The following DNAH8 variants were observed in gnomAD, a reference collection of about 807,000 sequenced individuals.
DNAH8 encodes dynein axonemal heavy chain 8, also known as axonemal beta dynein heavy chain 8.
DNAH8 carries 382 observed loss-of-function variants against 562.1 expected under a neutral mutation model. The ratio of observed to expected loss-of-function variants is 0.68; its 90% CI spans 0.63 to 0.74. The LOEUF is 0.74. Among genes scored for constraint, DNAH8 ranks in the 30% least tolerant of loss-of-function variants. The pLI is 0.00. For synonymous variants in DNAH8, 1,881 were observed against 1,919.4 expected (o/e 0.98, Z 0.52); for missense variants, 5,203 against 5,620.4 (o/e 0.93, Z 2.37).
chr6:38,947,644 C>A (rs1761543752), intron 80 of DNAH8, among the ~76,000 whole-genome samples: 1 of 152,160 alleles, frequency 6.6e-6, no homozygotes, highest in African/African-American at 2.4e-5. Flanking sequence ...TCGCAACACC[C>A]AGGCCCTGGC....
chr6:38,863,268 A>G (rs1408742552), intron 44 of DNAH8, among the ~76,000 whole-genome samples: 1 of 151,936 alleles, frequency 6.6e-6, no homozygotes, highest in Non-Finnish European at 1.5e-5. Context: ...CATCTCTACT[A>G]AAAATACAAA....
chr6:38,956,605 C>T (rs1762260911), intron 82 of DNAH8, among the ~76,000 whole-genome samples: 1 of 152,190 alleles, frequency 6.6e-6, no homozygotes, highest in African/African-American at 2.4e-5. Context: ...CCATCTGGGC[C>T]ACTGGGACAG....
intron 9 of DNAH8, among the ~76,000 whole-genome samples, chr6:38,753,307 C>T (rs1159506966): frequency 1.3e-5 from 2 of 152,134 alleles, no homozygotes; most frequent in African/African-American, 4.8e-5. Context: ...TACTTGGCAG[C>T]TCAATGACTT....
intron 33 of DNAH8, among the ~76,000 whole-genome samples, chr6:38,839,332 T>C (rs1774574218): frequency 6.6e-6 from 1 of 150,962 alleles, no homozygotes; most frequent in Non-Finnish European, 1.5e-5. Flanking sequence ...TAGAGAATGG[T>C]GAGAATGGTG....
intron 38 of DNAH8, among the ~76,000 whole-genome samples, chr6:38,850,863 C>T (rs528750000): frequency 1.1e-4 from 16 of 152,168 alleles, no homozygotes; most frequent in African/African-American, 2.6e-4. Flanking sequence ...TCTCTTATGA[C>T]GACATTTGTC....
chr6:38,749,866 C>T (rs762626506), intron 8 of DNAH8, among the ~76,000 whole-genome samples: 2 of 152,184 alleles, frequency 1.3e-5, no homozygotes, highest in Non-Finnish European at 2.9e-5. Context: ...AAGTCTCACT[C>T]TGTTGTCCAG....
At chr6:38,892,308 T>C (rs1427665204) in intron 58 of DNAH8, among the ~76,000 whole-genome samples, 1 of 152,218 alleles carries the variant, frequency 6.6e-6, no homozygotes, top group Non-Finnish European at 1.5e-5. Context: ...TCCAGGCCGA[T>C]TGCTAACTAC....
intron 82 of DNAH8, among the ~76,000 whole-genome samples, chr6:38,962,981 G>A (rs1762710945): frequency 6.6e-6 from 1 of 152,136 alleles, no homozygotes; most frequent in South Asian, 2.1e-4. Context: ...GGGAGAAAAG[G>A]TTTGAGGGTG....
At chr6:38,816,538 A>G (rs964735132) in intron 26 of DNAH8, among the ~76,000 whole-genome samples, 2 of 152,154 alleles carry the variant, frequency 1.3e-5, no homozygotes, top group South Asian at 2.1e-4. Flanking sequence ...TAGTGCTGCA[A>G]TGAACATAGG....
At chr6:38,861,618 C>T (rs1049126518) in intron 43 of DNAH8, among the ~76,000 whole-genome samples, 2 of 152,210 alleles carry the variant, frequency 1.3e-5, no homozygotes, top group African/African-American at 4.8e-5. Flanking sequence ...AGTGCAGTGG[C>T]GCGATCTTGG....
chr6:38,923,845 C>A, intron 72 of DNAH8, 146 bp from the exon 73 acceptor site: 1 of 905,750 alleles, frequency 1.1e-6, no homozygotes, highest in Non-Finnish European at 1.7e-6. Flanking sequence ...CTCCACTTTG[C>A]ACGGTCTTTT....
chr6:39,029,070 T>C (rs774105239), intron 92 of DNAH8, among the ~76,000 whole-genome samples: 16 of 152,198 alleles, frequency 1.1e-4, no homozygotes, highest in Non-Finnish European at 1.9e-4. Flanking sequence ...CCTGTGATTC[T>C]CCTTCAGCCT....
Position 38,783,067 on chromosome 6 carries a change from T to C in DNAH8, c.2323T>C (p.Ser775Pro). ...TGTCATCCGTCAGTATAACAAGATC[T>C]CCTATGTGCTGGTGGAATTCGAGGT... ...KAVIRQYNKI[S>P]YVLVEFEVVY... Residue 775 changes from serine to proline, a missense_variant, in exon 17 of 93, where the codon TCC becomes CCC. By Grantham distance (74) the Ser-to-Pro change is moderately conservative (BLOSUM62 -1). This residue lies in a region of DNAH8 where 2,176 missense variants were observed against 2,365.1 expected (regional missense o/e 0.92). Coordinates refer to ENST00000327475, the MANE Select transcript of DNAH8 (RefSeq NM_001206927.2). 6.2e-7 allele frequency: 1 copy of C among 1,613,948 alleles called. No homozygotes were observed. Among genetic ancestry groups the C allele is most frequent in the Non-Finnish European group, 8.5e-7 (1 of 1,179,816 alleles).
chr6:38,715,941 TATATATATATATATATA>T (rs1762272114), intron 1 of DNAH8, among the ~76,000 whole-genome samples: 5 of 16,996 alleles, frequency 2.9e-4, no homozygotes, highest in East Asian at 2.0e-3. Flanking sequence ...TATATATATA[TATATATATATATATATA>T]TATTTTTTTT....
chr6:38,869,295 G>C (rs1777288823), intron 48 of DNAH8, among the ~76,000 whole-genome samples: 1 of 152,144 alleles, frequency 6.6e-6, no homozygotes, highest in Non-Finnish European at 1.5e-5. Context: ...GCTGAGAAGA[G>C]GGGACAAAAA....
At chr6:38,963,130 A>C (rs903452924) in intron 82 of DNAH8, among the ~76,000 whole-genome samples, 1 of 152,154 alleles carries the variant, frequency 6.6e-6, no homozygotes, top group African/African-American at 2.4e-5. Flanking sequence ...GTTGAAATAA[A>C]AAAAATCTGT....
At chr6:38,894,563 C>A in intron 58 of DNAH8, 138 bp from the exon 59 acceptor site, 1 of 737,098 alleles carries the variant, frequency 1.4e-6, no homozygotes, top group Non-Finnish European at 2.2e-6. Context: ...CGTGTTGTCA[C>A]AAAATGTGAA....
intron 82 of DNAH8, among the ~76,000 whole-genome samples, chr6:38,957,866 C>CAAAAAAAAAAAAAAA (rs1209427701): frequency 2.0e-4 from 15 of 75,890 alleles, no homozygotes; most frequent in East Asian, 4.2e-4. Flanking sequence ...ATGCCTACAC[C>CAAAAAAAAAAAAAAA]AAAAAAAAAA....
intron 31 of DNAH8, 124 bp downstream of exon 31, chr6:38,832,559 C>T (rs1773930897): frequency 1.7e-6 from 1 of 584,338 alleles, no homozygotes; most frequent in Non-Finnish European, 3.0e-6. Flanking sequence ...GTATTTGCAG[C>T]TATCAGAAAA....
Sources: allele counts gnomAD v4.1 joint callset (sites outside exome capture counted in the v4.1 genomes callset), GRCh38; gene constraint gnomAD v4.1.1; regional missense constraint gnomAD v4.1.1; transcripts MANE v1.5; gene names NCBI Gene and HGNC (gene_info 2026-07-23, HGNC 2026-07-21).